Variants in FAM174A observed in about 807,000 individuals in gnomAD.
FAM174A encodes the protein family with sequence similarity 174 member A, also known as membrane protein FAM174A.
Under a neutral mutation model 14.3 loss-of-function variants are expected in FAM174A, and 14 were observed. The observed-to-expected ratio is 0.98, with a 90% confidence interval of 0.65 to 1.53. FAM174A has a LOEUF of 1.53. Ranked by LOEUF, FAM174A falls within the 40% of genes most tolerant of loss-of-function variation. The probability of loss-of-function intolerance (pLI) is 0.00; values close to 1 mark genes in which losing one functional copy is unlikely to be tolerated. For missense variants in FAM174A, 241 were observed against 249.6 expected (o/e 0.97, Z 0.23); for synonymous variants, 108 against 111.4 (o/e 0.97, Z 0.19).
At chr5:100,558,199 A>T (rs1013268057) in intron 1 of FAM174A, among the ~76,000 whole-genome samples, 3 of 152,192 alleles carry the variant, frequency 2.0e-5, no homozygotes, top group African/African-American at 7.2e-5. Flanking sequence ...TTATGTACCC[A>T]GTAGTCATTC....
Position 100,566,271 on chromosome 5 carries a change from A to G in FAM174A, c.569+4083A>G, listed in dbSNP as rs189022432. On this transcript the variant is annotated intron_variant, in intron 2 of 2. Coordinates refer to ENST00000312637, the MANE Select transcript of FAM174A (RefSeq NM_198507.3). ...GACATTTGCAACAACATGGATGAAC[A>G]TGGAGGAATTTATGTTATTTGAAAC... 3.2e-3 allele frequency among the ~76,000 whole-genome samples: 481 copies of G among 149,788 alleles called. 4 individuals carry two copies. The highest frequency in any genetic ancestry group is 0.011 in the African/African-American group (449 of 40,882).
chr5:100,552,644 TATC>T (rs916592099), intron 1 of FAM174A, among the ~76,000 whole-genome samples: 1 of 152,142 alleles, frequency 6.6e-6, no homozygotes, highest in Admixed American at 6.6e-5. Context: ...TTTTATGTGG[TATC>T]ATATATTTCT....
chr5:100,538,300 G>C lies in FAM174A; in HGVS notation c.434+2336G>C, dbSNP rs1265825727. On this transcript the variant is annotated intron_variant, in intron 1 of 2. Transcript: ENST00000312637. ...TATTTGTGCCAAGGGAGAAGAATGG[G>C]CCAAAATCATTATTTTCTTAACTGA... 2.0e-5 allele frequency among the ~76,000 whole-genome samples: 3 copies of C among 152,024 alleles called. No individual in the cohort carries two copies. The East Asian group carries it at 5.8e-4, about 29-fold the overall frequency.
At chr5:100,576,271 A>G (rs1168483459) in intron 2 of FAM174A, among the ~76,000 whole-genome samples, 2 of 152,148 alleles carry the variant, frequency 1.3e-5, no homozygotes, top group African/African-American at 4.8e-5. Context: ...ATGTAACAGA[A>G]TGTCACAGAT....
At chr5:100,564,728 CAT>C (rs1273885743) in intron 2 of FAM174A, among the ~76,000 whole-genome samples, 4 of 151,718 alleles carry the variant, frequency 2.6e-5, no homozygotes, top group Admixed American at 2.6e-4. Flanking sequence ...TTAAAGAAGA[CAT>C]GAGACTACTA....
chr5:100,559,541 A>G (rs976057411), intron 1 of FAM174A, among the ~76,000 whole-genome samples: 5 of 151,932 alleles, frequency 3.3e-5, no homozygotes, highest in African/African-American at 7.2e-5. Flanking sequence ...CCTGCAGAGT[A>G]TTTTCCAACT....
At chr5:100,562,026 T>A in intron 1 of FAM174A, 28 bp from the exon 2 acceptor site, 1 of 1,332,072 alleles carries the variant, frequency 7.5e-7, no homozygotes, top group Non-Finnish European at 1.0e-6. Context: ...TAAATAATTT[T>A]TATTCATTAA....
chr5:100,559,949 G>A (rs1032391002), intron 1 of FAM174A, among the ~76,000 whole-genome samples: 3 of 151,340 alleles, frequency 2.0e-5, no homozygotes, highest in Admixed American at 6.6e-5. Context: ...CTCTCAACTC[G>A]TCAAAGTCAT....
chr5:100,546,379 T>C (rs535874796), intron 1 of FAM174A, among the ~76,000 whole-genome samples: 94 of 152,244 alleles, frequency 6.2e-4, no homozygotes, highest in African/African-American at 2.2e-3. Context: ...GTAGGTACTA[T>C]GTGTGGGGAG....
Position 100,568,318 on chromosome 5 carries a change from G to C in FAM174A, c.569+6130G>C, listed in dbSNP as rs561737490. On this transcript the variant is annotated intron_variant, in intron 2 of 2. Coordinates refer to ENST00000312637, the MANE Select transcript of FAM174A (RefSeq NM_198507.3). ...CTTTCCAGCCTCATCAGATGTTCTA[G>C]ACTCTTTTGGATTCAGCCTTGAAAT... is the stretch of plus-strand genomic sequence containing the variant. Among the ~76,000 whole-genome samples, 3 of 151,914 alleles carry C rather than the reference G, an allele frequency of 2.0e-5. No individual in the cohort carries two copies. In the South Asian group the frequency reaches 6.2e-4, roughly 32 times the overall value.
intron 2 of FAM174A, among the ~76,000 whole-genome samples, chr5:100,567,766 T>C (rs1253200484): frequency 6.6e-6 from 1 of 151,902 alleles, no homozygotes; most frequent in Non-Finnish European, 1.5e-5. Flanking sequence ...TTAGTTGAAA[T>C]ACTACTTAGT....
At chr5:100,555,552 A>G (rs1746359960) in intron 1 of FAM174A, among the ~76,000 whole-genome samples, 1 of 152,004 alleles carries the variant, frequency 6.6e-6, no homozygotes, top group Non-Finnish European at 1.5e-5. Context: ...CCAACAGTGT[A>G]AAAGTGTTCC....
At chr5:100,550,543 G>C (rs1043752194) in intron 1 of FAM174A, among the ~76,000 whole-genome samples, 1 of 152,142 alleles carries the variant, frequency 6.6e-6, no homozygotes, top group South Asian at 2.1e-4. Context: ...GACAGAAGTT[G>C]TGTGCTGTGG....
intron 1 of FAM174A, among the ~76,000 whole-genome samples, chr5:100,540,906 A>G (rs1478989400): frequency 1.3e-5 from 2 of 152,154 alleles, no homozygotes; most frequent in African/African-American, 4.8e-5. Context: ...TACGGGGTAA[A>G]TGTATGAGAC....
At chr5:100,547,538 G>C (rs1337551110) in intron 1 of FAM174A, among the ~76,000 whole-genome samples, 1 of 152,078 alleles carries the variant, frequency 6.6e-6, no homozygotes, top group Non-Finnish European at 1.5e-5. Flanking sequence ...GCTAAGCTGA[G>C]AAAACAAGTA....
chr5:100,581,260 C>T, intron 2 of FAM174A: 4 of 527,376 alleles, frequency 7.6e-6, no homozygotes, highest in Non-Finnish European at 9.7e-6. Flanking sequence ...AACCAGTCTA[C>T]CTTCTACAAC....
intron 2 of FAM174A, chr5:100,581,396 T>C (rs1747012950): frequency 4.1e-6 from 4 of 985,068 alleles, no homozygotes; most frequent in Non-Finnish European, 4.8e-6. Context: ...GCAACATGGA[T>C]TTCACTGAGT....
intron 1 of FAM174A, among the ~76,000 whole-genome samples, chr5:100,547,468 A>G (rs1746186194): frequency 6.6e-6 from 1 of 152,100 alleles, no homozygotes; most frequent in Non-Finnish European, 1.5e-5. Flanking sequence ...TGGGCTGCCA[A>G]ATCTCTGAGA....
chr5:100,575,892 G>A (rs1467617908), intron 2 of FAM174A, among the ~76,000 whole-genome samples: 2 of 152,028 alleles, frequency 1.3e-5, no homozygotes. Context: ...ACAGTCTACA[G>A]TATAACTTAT....
Sources: allele counts gnomAD v4.1 joint callset (sites outside exome capture counted in the v4.1 genomes callset), GRCh38; gene constraint gnomAD v4.1.1; transcripts MANE v1.5; gene names NCBI Gene and HGNC (gene_info 2026-07-23, HGNC 2026-07-21).